Variants in NOTCH1 observed in about 807,000 individuals in gnomAD.
NOTCH1 encodes notch receptor 1, also known as neurogenic locus notch homolog protein 1.
Under a neutral mutation model 254.8 loss-of-function variants are expected in NOTCH1, and 37 were observed. The observed-to-expected ratio is 0.15, with a 90% confidence interval of 0.11 to 0.19. The LOEUF is 0.19. NOTCH1 is among the 10% of genes least tolerant of loss of function. The pLI is 1.00. For synonymous variants in NOTCH1, 1,731 were observed against 1,618.1 expected (o/e 1.07, Z -1.68); for missense variants, 2,972 against 3,708.6 (o/e 0.80, Z 5.16).
rs377555418 is a variant in NOTCH1 at position 136,524,097 on chromosome 9, A to C, written c.141-118T>G. 3,502 of 1,327,090 alleles carry C rather than the reference A, an allele frequency of 2.6e-3. 126 individuals carry two copies. The South Asian group carries it at 0.042, about 16-fold the overall frequency. 82.2% of individuals were successfully genotyped at this position (1,327,090 alleles called of 1,614,324 possible). On this transcript the variant is annotated intron_variant, in intron 2 of 33. Transcript: ENST00000651671. ...CTCCCCCCACACCCCGGGCACGGGC[A>C]CAACGGCTGCTTAGCGGGGTTCCCT...
rs75581848 is a variant in NOTCH1, at chr9:136,499,468, C to T, written c.5935-209G>A. 0.02 allele frequency among the ~76,000 whole-genome samples: 3,115 copies of T among 152,358 alleles called. 108 individuals carry two copies. Among genetic ancestry groups the T allele is most frequent in the African/African-American group, 0.071 (2,934 of 41,580 alleles). ...GGGCAGGGGCTGTGCTGCCCACAGACAGGCCCCTTGGTGACAGTGGGATCC... is the reference window on the plus strand; with the variant it reads ...GGGCAGGGGCTGTGCTGCCCACAGATAGGCCCCTTGGTGACAGTGGGATCC... On this transcript the variant is annotated intron_variant, in intron 31 of 33. Coordinates refer to ENST00000651671, the MANE Select transcript of NOTCH1 (RefSeq NM_017617.5).
At chr9:136,528,739 C>A (rs1303034422) in intron 2 of NOTCH1, among the ~76,000 whole-genome samples, 1 of 152,036 alleles carries the variant, frequency 6.6e-6, no homozygotes, top group African/African-American at 2.4e-5. Flanking sequence ...GCCCCACCTG[C>A]CCTCCTTGGG....
rs749570626 is a variant in NOTCH1 at position 136,505,711 on chromosome 9, G to A, written c.4185C>T (p.Asn1395=). The A allele has an allele frequency of 4.3e-5, 69 of 1,602,188 alleles. No homozygotes were observed. Among genetic ancestry groups the A allele is most frequent in the Non-Finnish European group, 5.7e-5 (67 of 1,173,062 alleles). ...CACAGGTCCCCTGGTTGTAGCAGGG[G>A]TTGCCGCCCAGGCAGGGGCTGCTGG... The part of the protein sequence containing the change: ...FPASSPCLGG[N]PCYNQGTCEP... Residue 1395 remains asparagine (N), a synonymous_variant, in exon 25 of 34, where the codon AAC becomes AAT. Transcript: ENST00000651671.
rs1842932370 is a variant in NOTCH1 at position 136,497,288 on chromosome 9, G to C, written c.6451C>G (p.Pro2151Ala). ...CGGACCTTCTTGCCCTGCACGCCGG[G>C]CTTGAGGCTGCCCAGGTAGCCGTTG... ...SPNGYLGSLK[P>A]GVQGKKVRKP... The change falls in exon 34 of 34, where the codon CCC (proline) becomes GCC (alanine). Residue 2151 changes from proline to alanine, a missense_variant. By Grantham distance (27) the Pro-to-Ala change is conservative. Around this residue, in one of 8 missense-constraint regions of NOTCH1, gnomAD observed 529 missense variants for 529.2 expected, o/e 1.00. Transcript: ENST00000651671. The C allele has an allele frequency of 6.2e-7, 1 of 1,608,912 alleles. No homozygotes were observed. The highest frequency in any genetic ancestry group is 8.5e-7 in the Non-Finnish European group (1 of 1,179,832).
In NOTCH1 at chr9:136,508,991, T is replaced by C; in HGVS notation, c.3050A>G (p.Tyr1017Cys). Residue 1017 changes from tyrosine to cysteine, a missense_variant, in exon 19 of 34, where the codon TAC (tyrosine) becomes TGC (cysteine). Tyr to Cys is a radical substitution (Grantham distance 194). Coordinates refer to ENST00000651671, the MANE Select transcript of NOTCH1 (RefSeq NM_017617.5). The stretch of plus-strand genomic sequence containing the variant: ...GCACTCATTGACATCGTGCTGGCAG[T>C]AGCTGCCCGTGAAGCCGGGTGGACA... The part of the protein sequence containing the change: ...CLCPPGFTGS[Y>C]CQHDVNECDS... 1 of 1,559,958 alleles carries C rather than the reference T, an allele frequency of 6.4e-7. No homozygotes were observed. Among genetic ancestry groups the C allele is most frequent in the Non-Finnish European group, 8.7e-7 (1 of 1,152,778 alleles).
In NOTCH1 at chr9:136,495,388, C is replaced by G. The variant is rs1842900480; in HGVS notation, c.*683G>C. On this transcript the variant is annotated 3_prime_UTR_variant, in exon 34 of 34. Transcript: ENST00000651671. ...ACCATGGGTGCACTCTTGGCATACA[C>G]ACTCCGAGAACACATTTTCACAAGC... The G allele has an allele frequency of 2.5e-6, 1 of 398,874 alleles. No individual in the cohort carries two copies. Among genetic ancestry groups the G allele is most frequent in the African/African-American group, 2.1e-5 (1 of 48,652 alleles). 24.7% of individuals were successfully genotyped at this position (398,874 alleles called of 1,614,324 possible).
At chr9:136,512,259 G>A (rs554135666) in intron 15 of NOTCH1, among the ~76,000 whole-genome samples, 3 of 152,314 alleles carry the variant, frequency 2.0e-5, no homozygotes, top group Non-Finnish European at 2.9e-5. Context: ...AGAAAACAGC[G>A]TTCTGGCCAC....
At chr9:136,511,389 C>G in intron 15 of NOTCH1, 118 bp from the exon 16 acceptor site, 1 of 1,339,090 alleles carries the variant, frequency 7.5e-7, no homozygotes, top group East Asian at 2.5e-5. Context: ...CGCCGGGAGG[C>G]AAATGTGCAC....
chr9:136,524,208 A>C (rs1327337845), intron 2 of NOTCH1, among the ~76,000 whole-genome samples: 1 of 152,236 alleles, frequency 6.6e-6, no homozygotes, highest in African/African-American at 2.4e-5. Flanking sequence ...AATGAGGCTG[A>C]AGCAGGAGAA....
Position 136,496,058 on chromosome 9 carries a change from TG to T in NOTCH1, c.*12del. 6.3e-7 allele frequency: 1 copy of T among 1,592,674 alleles called. No homozygotes were observed. On this transcript the variant is annotated 3_prime_UTR_variant, in exon 34 of 34. Coordinates refer to ENST00000651671, the MANE Select transcript of NOTCH1 (RefSeq NM_017617.5). ...CTTGGGAAAGGAAGCCGGGGTCTCG[TG>T]GGGCGCGCCGTTTACTTGAAGGCCT...
At chr9:136,529,296 G>A (rs1843521657) in intron 2 of NOTCH1, among the ~76,000 whole-genome samples, 1 of 152,258 alleles carries the variant, frequency 6.6e-6, no homozygotes. Context: ...CCCAAGGCAG[G>A]CTTCCATGAG....
Position 136,496,605 on chromosome 9 carries a change from G to A in NOTCH1, c.7134C>T (p.His2378=), listed in dbSNP as rs775424890. 1.2e-5 allele frequency: 19 copies of A among 1,612,870 alleles called. No homozygotes were observed. The highest frequency in any genetic ancestry group is 1.6e-5 in the Non-Finnish European group (19 of 1,179,996). ...LPSTRLATQP[H]LVQTQQVQPQ... ...GCTGCACCTGCTGGGTCTGCACCAG[G>A]TGAGGCTGGGTGGCCAGCCGGGTGC... Residue 2378 remains histidine, a synonymous_variant, in exon 34 of 34, where the codon CAC becomes CAT. Coordinates refer to ENST00000651671, the MANE Select transcript of NOTCH1 (RefSeq NM_017617.5).
At position 136,505,495 on chromosome 9, in the gene NOTCH1, G is replaced by A. The variant is rs1843066655; in HGVS notation, c.4401C>T (p.Cys1467=). The change falls in exon 25 of 34, where the codon TGC becomes TGT. Residue 1467 remains cysteine, a synonymous_variant. Transcript: ENST00000651671. ...CGTCCCAGCCGCACGCGTGGTTGTTGCACTGCAGGCTGCAGACCTTGTTGC... is the reference window on the plus strand; with the variant it reads ...CGTCCCAGCCGCACGCGTGGTTGTTACACTGCAGGCTGCAGACCTTGTTGC... The part of the protein sequence containing the change: ...DAGNKVCSLQ[C]NNHACGWDGG... 6.2e-7 allele frequency: 1 copy of A among 1,612,794 alleles called. No individual in the cohort carries two copies. Among genetic ancestry groups the A allele is most frequent in the Non-Finnish European group, 8.5e-7 (1 of 1,180,010 alleles).
At position 136,509,968 on chromosome 9, in the gene NOTCH1, G is replaced by A. The variant is rs533595456; in HGVS notation, c.2741-7C>T. Reference sequence around the variant, plus strand: ...CCCCCGTTGTGACACGGGTCTGGGAGAGGACGGAAGGGTGAGTGTGAGGGG... The same window carrying A: ...CCCCCGTTGTGACACGGGTCTGGGAAAGGACGGAAGGGTGAGTGTGAGGGG... On this transcript the variant is annotated splice_region_variant and splice_polypyrimidine_tract_variant and intron_variant, in intron 17 of 33. Transcript: ENST00000651671. 3 of 1,612,222 alleles carry A rather than the reference G, an allele frequency of 1.9e-6. No homozygotes were observed. In the African/African-American group the frequency reaches 4.0e-5, roughly 21 times the overall value.
chr9:136,499,616 G>T (rs1842966487), intron 31 of NOTCH1, among the ~76,000 whole-genome samples: 1 of 152,216 alleles, frequency 6.6e-6, no homozygotes, highest in Non-Finnish European at 1.5e-5. Context: ...CAGGAAGCCG[G>T]GCTCACGGCC....
Position 136,543,783 on chromosome 9 carries a change from C to T in NOTCH1, c.140+241G>A, listed in dbSNP as rs886729373. The T allele has an allele frequency of 2.8e-5, 17 of 612,542 alleles. No individual in the cohort carries two copies. In the East Asian group the frequency reaches 4.4e-4, roughly 16 times the overall value. The allele number at this position is 612,542 out of a possible 1,614,324, so 37.9% of individuals were successfully genotyped here. A position where few individuals can be genotyped will look rare whatever the true frequency, so the allele number is the denominator to read the frequency against. On this transcript the variant is annotated intron_variant, in intron 2 of 33. Transcript: ENST00000651671. The stretch of plus-strand genomic sequence containing the variant: ...GACTCCCACTTAGTGACCCCGGAGC[C>T]TGAGGTGGCCCACGGAGGAGTGCCC...
rs989153669 is a variant in NOTCH1 at position 136,513,751 on chromosome 9, G to A, written c.2208-214C>T. 3.9e-5 allele frequency among the ~76,000 whole-genome samples: 6 copies of A among 152,178 alleles called. No individual in the cohort carries two copies. The highest frequency in any genetic ancestry group is 6.5e-5 in the Admixed American group (1 of 15,288). ...GGGTGGCTGAGTCACTTGAGGCCAG[G>A]AGTTCAAGATCAGCCTGGCCAACAT... is the stretch of plus-strand genomic sequence containing the variant. On this transcript the variant is annotated intron_variant, in intron 13 of 33. Transcript: ENST00000651671. The surrounding 1 kb of genome is among the most constrained non-coding windows in gnomAD (Gnocchi z 4.7).
chr9:136,525,235 G>A (rs1445219967), intron 2 of NOTCH1, among the ~76,000 whole-genome samples: 1 of 152,182 alleles, frequency 6.6e-6, no homozygotes, highest in Non-Finnish European at 1.5e-5. Flanking sequence ...CACAGTCTGG[G>A]CTCAGAGAGA....
rs777219891 is a variant in NOTCH1 at position 136,497,396 on chromosome 9, C to T, written c.6343G>A (p.Glu2115Lys). The T allele has an allele frequency of 1.7e-5, 28 of 1,610,376 alleles. No homozygotes were observed. Among genetic ancestry groups the T allele is most frequent in the Non-Finnish European group, 2.2e-5 (26 of 1,179,872 alleles). ...TGCGGGCTGCGCACCAGGTTGTACTCGTCCAGCAGCCTCACGATGTCGTGA... is the reference window on the plus strand; with the variant it reads ...TGCGGGCTGCGCACCAGGTTGTACTTGTCCAGCAGCCTCACGATGTCGTGA... ...MHHDIVRLLD[E>K]YNLVRSPQLH... The change falls in exon 34 of 34, where the codon GAG (glutamate) becomes AAG (lysine). Residue 2115 changes from glutamate to lysine, a missense_variant. Glu to Lys is a moderately conservative substitution (Grantham distance 56, BLOSUM62 1). Transcript: ENST00000651671.
Sources: gnomAD v4.1 joint callset for allele counts (sites outside exome capture counted in the v4.1 genomes callset) on GRCh38, gnomAD v4.1.1 for gene constraint, gnomAD v4.1.1 regional missense constraint, Gnocchi (gnomAD v3.1) non-coding constraint, MANE v1.5 for transcripts, NCBI Gene and HGNC (gene_info 2026-07-23, HGNC 2026-07-21) for gene names.